FOXN1: variants seen among roughly 807,000 people sequenced by gnomAD.
FOXN1 encodes the protein forkhead box protein N1.
FOXN1 carries 15 observed loss-of-function variants against 49.0 expected under a neutral mutation model. That is an observed-to-expected ratio of 0.31 (90% confidence interval 0.20 to 0.47). The LOEUF (loss-of-function observed/expected upper bound fraction) is 0.47. Ranked by LOEUF, FOXN1 falls within the 20% of genes least tolerant of loss-of-function variation. The pLI, the probability that FOXN1 is intolerant of heterozygous loss-of-function variation, is 1.00. For synonymous variants in FOXN1, 356 were observed against 369.0 expected (o/e 0.96, Z 0.40); for missense variants, 800 against 842.8 (o/e 0.95, Z 0.63).
At chr17:28,507,805 G>A (rs1335280716) in intron 1 of FOXN1, among the ~76,000 whole-genome samples, 1 of 152,324 alleles carries the variant, frequency 6.6e-6, no homozygotes. Context: ...GGCAGTACAA[G>A]GGCACCCCGA....
chr17:28,524,557 A>G lies in FOXN1; in HGVS notation c.178A>G (p.Thr60Ala). The G allele has an allele frequency of 6.2e-7, 1 of 1,613,546 alleles. No individual in the cohort carries two copies. The highest frequency in any genetic ancestry group is 8.5e-7 in the Non-Finnish European group (1 of 1,179,956). ...SFVSDGPPERTPSLPPHSPRI... is the reference protein window; with the variant it reads ...SFVSDGPPERAPSLPPHSPRI... ...TGTGTCCGACGGCCCTCCAGAGAGG[A>G]CACCCTCACTGCCCCCACACAGCCC... is the stretch of plus-strand genomic sequence containing the variant. The change falls in exon 3 of 9, where the codon ACA becomes GCA. Residue 60 changes from threonine (T) to alanine (A), a missense_variant. By Grantham distance (58) the Thr-to-Ala change is moderately conservative. Around this residue, in one of 3 missense-constraint regions of FOXN1, gnomAD observed 383 missense variants for 357.9 expected, o/e 1.07. Transcript: ENST00000579795.
intron 1 of FOXN1, among the ~76,000 whole-genome samples, chr17:28,520,084 A>G (rs1178785356): frequency 7.9e-5 from 12 of 152,210 alleles, no homozygotes; most frequent in Non-Finnish European, 1.8e-4. Flanking sequence ...TATTAGTCCT[A>G]TTTTACAGAT....
At chr17:28,533,911 A>G (rs974643652) in intron 6 of FOXN1, among the ~76,000 whole-genome samples, 3 of 152,148 alleles carry the variant, frequency 2.0e-5, no homozygotes, top group African/African-American at 7.2e-5. Context: ...AGCCAGCCAC[A>G]AGACCTCAGA....
At chr17:28,516,872 G>C (rs1267115589) in intron 1 of FOXN1, among the ~76,000 whole-genome samples, 1 of 48,890 alleles carries the variant, frequency 2.0e-5, no homozygotes, top group Non-Finnish European at 5.3e-5. Flanking sequence ...AACTCCACTG[G>C]GTACACACCT....
chr17:28,530,830 C>G lies in FOXN1; in HGVS notation c.912C>G (p.His304Gln). 1 of 1,596,910 alleles carries G rather than the reference C, an allele frequency of 6.3e-7. No individual in the cohort carries two copies. The highest frequency in any genetic ancestry group is 8.6e-7 in the Non-Finnish European group (1 of 1,164,230). ...AGATCTACAATTTTATGACGGAGCA[C>G]TTTCCTTACTTCAAGGTGAGCCCAA... ...VSEIYNFMTE[H>Q]FPYFKTAPDG... The change falls in exon 6 of 9, where the codon CAC becomes CAG. Residue 304 changes from histidine to glutamine, a missense_variant. Physicochemically the swap from His to Gln is conservative, Grantham distance 24 (BLOSUM62 0). Transcript: ENST00000579795.
At chr17:28,517,235 A>T (rs972314911) in intron 1 of FOXN1, among the ~76,000 whole-genome samples, 1 of 133,772 alleles carries the variant, frequency 7.5e-6, no homozygotes, top group African/African-American at 2.9e-5. Flanking sequence ...CTGGGTACAC[A>T]CCTCCACAGG....
In FOXN1 at chr17:28,537,284, G is replaced by C. The variant is rs532648; in HGVS notation, c.1795G>C (p.Ala599Pro). ...ETGSGAGDLA[A>P]PGSGGSGALG... ...AGGCAGTGGGGCAGGTGACTTGGCA[G>C]CCCCGGGCAGTGGTGGCTCCGGGGC... is the stretch of plus-strand genomic sequence containing the variant. Residue 599 changes from alanine to proline, a missense_variant, in exon 9 of 9, where the codon GCC becomes CCC. Ala to Pro is a conservative substitution (Grantham distance 27, BLOSUM62 -1). Coordinates refer to ENST00000579795, the MANE Select transcript of FOXN1 (RefSeq NM_001369369.1). 499,800 of 1,613,382 alleles carry C rather than the reference G, an allele frequency of 0.31. 81,552 individuals are homozygous for C. The highest frequency in any genetic ancestry group is 0.58 in the African/African-American group (43,777 of 74,902).
chr17:28,510,546 A>G (rs1244102461), intron 1 of FOXN1, among the ~76,000 whole-genome samples: 5 of 149,536 alleles, frequency 3.3e-5, no homozygotes, highest in Non-Finnish European at 7.4e-5. Flanking sequence ...TAGAATGTAC[A>G]TGAGGAAGGA....
rs748856308 is a variant in FOXN1 at position 28,537,400 on chromosome 17, C to A, written c.1911C>A (p.Tyr637Ter). 4 of 1,613,174 alleles carry A rather than the reference C, an allele frequency of 2.5e-6. No homozygotes were observed. The highest frequency in any genetic ancestry group is 3.4e-6 in the Non-Finnish European group (4 of 1,179,704). Residue 637 changes from tyrosine (Y) to a stop codon, truncating the protein, a stop_gained, in exon 9 of 9, where the codon TAC becomes TAA. Transcript: ENST00000579795. LOFTEE classifies it high-confidence loss of function. ...CGGCCCCTGCAGGCCCCTCTGTGTA[C>A]CTCAGCCCCAGCTCCAAGCCCGTGG... ...PPTAPAGPSV[Y>*]LSPSSKPVAL...
chr17:28,517,065 A>ATG (rs2069524566), intron 1 of FOXN1, among the ~76,000 whole-genome samples: 1 of 60,520 alleles, frequency 1.7e-5, no homozygotes, highest in Non-Finnish European at 4.4e-5. Context: ...CAGGATCCAC[A>ATG]CCTCCACAGG....
At chr17:28,533,704 A>G (rs1268977159) in intron 6 of FOXN1, among the ~76,000 whole-genome samples, 1 of 152,176 alleles carries the variant, frequency 6.6e-6, no homozygotes, top group Admixed American at 6.5e-5. Flanking sequence ...ACACTTAGGG[A>G]CGTATGCACA....
intron 1 of FOXN1, among the ~76,000 whole-genome samples, chr17:28,523,540 C>A (rs1365360010): frequency 6.6e-6 from 1 of 152,148 alleles, no homozygotes; most frequent in Non-Finnish European, 1.5e-5. Context: ...TGAATGGAGA[C>A]CACCTGCTGT....
At chr17:28,521,015 A>G (rs2151483538) in intron 1 of FOXN1, among the ~76,000 whole-genome samples, 1 of 152,352 alleles carries the variant, frequency 6.6e-6, no homozygotes, top group South Asian at 2.1e-4. Context: ...AGGCCCCTGC[A>G]GCCACACTTG....
chr17:28,508,022 C>A (rs961422962), intron 1 of FOXN1, among the ~76,000 whole-genome samples: 1 of 152,120 alleles, frequency 6.6e-6, no homozygotes, highest in African/African-American at 2.4e-5. Flanking sequence ...CGCCCAGCCC[C>A]GCCCCGCCCG....
chr17:28,527,184 C>T, intron 3 of FOXN1, 67 bp from the exon 4 acceptor site: 1 of 1,092,226 alleles, frequency 9.2e-7, no homozygotes, highest in Non-Finnish European at 1.4e-6. Context: ...ATGTAAGGTT[C>T]AAGACACAGG....
At chr17:28,512,326 T>C (rs2069411551) in intron 1 of FOXN1, among the ~76,000 whole-genome samples, 1 of 152,230 alleles carries the variant, frequency 6.6e-6, no homozygotes. Context: ...CACTGCTTTC[T>C]GAACACTGCC....
intron 1 of FOXN1, among the ~76,000 whole-genome samples, chr17:28,510,756 G>A (rs1308969471): frequency 6.6e-6 from 1 of 152,216 alleles, no homozygotes; most frequent in African/African-American, 2.4e-5. Flanking sequence ...TGGAGCCCAC[G>A]TTGGGCACCA....
In FOXN1 at chr17:28,535,035, C is replaced by G. The variant is rs748288117; in HGVS notation, c.1464C>G (p.Pro488=). Residue 488 remains proline, a synonymous_variant, in exon 8 of 9, where the codon CCC becomes CCG. Transcript: ENST00000579795. ...HLELRAQPGT[P]QDSPLPAHTP... ...AGCTGCGGGCCCAGCCAGGCACCCC[C>G]CAGGACTCGCCTCTGCCTGCCCACA... is the stretch of plus-strand genomic sequence containing the variant. 7 of 1,613,032 alleles carry G rather than the reference C, an allele frequency of 4.3e-6. No homozygotes were observed. The highest frequency in any genetic ancestry group is 5.1e-6 in the Non-Finnish European group (6 of 1,179,360).
At chr17:28,526,337 C>T (rs1228302402) in intron 3 of FOXN1, among the ~76,000 whole-genome samples, 7 of 152,246 alleles carry the variant, frequency 4.6e-5, no homozygotes, top group Admixed American at 3.9e-4. Context: ...CCAGGGCACA[C>T]CCAGAGAGAG....
Sources: allele counts gnomAD v4.1 joint callset (sites outside exome capture counted in the v4.1 genomes callset), GRCh38; gene constraint gnomAD v4.1.1; regional missense constraint gnomAD v4.1.1; transcripts MANE v1.5; gene names NCBI Gene and HGNC (gene_info 2026-07-23, HGNC 2026-07-21).